GBF1: variants seen among roughly 807,000 people sequenced by gnomAD.
The protein encoded by GBF1 is Golgi-specific brefeldin A-resistance guanine nucleotide exchange factor 1.
Under a neutral mutation model 210.5 loss-of-function variants are expected in GBF1, and 114 were observed. The observed-to-expected ratio is 0.54, with a 90% CI of 0.47 to 0.63. The LOEUF (loss-of-function observed/expected upper bound fraction) is 0.63, where lower values mean the gene tolerates loss of function less well. Ranked by LOEUF, GBF1 falls within the 30% of genes least tolerant of loss-of-function variation. The pLI is 0.00. For missense variants in GBF1, 1,851 were observed against 2,357.7 expected (o/e 0.79, Z 4.45); for synonymous variants, 850 against 889.2 (o/e 0.96, Z 0.78).
chr10:102,350,668 T>G (rs971427845), intron 4 of GBF1, among the ~76,000 whole-genome samples: 3 of 152,158 alleles, frequency 2.0e-5, no homozygotes, highest in Admixed American at 1.3e-4. Context: ...ACTGGGGTCT[T>G]GTTAGAAACA....
chr10:102,338,687 C>T (rs2057949608), intron 3 of GBF1, among the ~76,000 whole-genome samples: 1 of 152,008 alleles, frequency 6.6e-6, no homozygotes, highest in Non-Finnish European at 1.5e-5. Context: ...TGGCTTACAC[C>T]TGTAATCCCA....
intron 3 of GBF1, among the ~76,000 whole-genome samples, chr10:102,324,688 G>A (rs2056745439): frequency 6.6e-6 from 1 of 152,132 alleles, no homozygotes; most frequent in South Asian, 2.1e-4. Flanking sequence ...CCAGGTTCAA[G>A]CGATTCTCCT....
At chr10:102,295,824 T>C (rs1166073263) in intron 3 of GBF1, among the ~76,000 whole-genome samples, 1 of 152,224 alleles carries the variant, frequency 6.6e-6, no homozygotes, top group Non-Finnish European at 1.5e-5. Flanking sequence ...TTCTGTTAGC[T>C]ATACTGATTA....
At chr10:102,311,659 G>T (rs1051297110) in intron 3 of GBF1, among the ~76,000 whole-genome samples, 5 of 152,192 alleles carry the variant, frequency 3.3e-5, no homozygotes, top group Admixed American at 3.3e-4. Flanking sequence ...AAACCAGCTT[G>T]GCTGTCAGGA....
chr10:102,370,904 T>A, intron 29 of GBF1, 44 bp downstream of exon 29: 1 of 1,571,948 alleles, frequency 6.4e-7, no homozygotes, highest in African/African-American at 1.3e-5. Context: ...ATGCAAGGGA[T>A]TAAGGCCACA....
At chr10:102,381,860 G>T (rs1312466912) in intron 39 of GBF1, among the ~76,000 whole-genome samples, 196 bp from the exon 40 acceptor site, 3 of 149,624 alleles carry the variant, frequency 2.0e-5, no homozygotes, top group African/African-American at 4.9e-5. Flanking sequence ...GAGTAGCCTG[G>T]CAAAGGAGAT....
At chr10:102,339,223 C>T (rs963266596) in intron 3 of GBF1, among the ~76,000 whole-genome samples, 3 of 152,064 alleles carry the variant, frequency 2.0e-5, no homozygotes, top group Non-Finnish European at 4.4e-5. Context: ...ATTAGCCAGA[C>T]GAGGTGGTGT....
At chr10:102,233,304 C>CTTT in the GBF1 span, among the ~76,000 whole-genome samples, 101 of 107,890 alleles carry the variant, frequency 9.4e-4, 2 homozygotes, top group African/African-American at 1.7e-3. Context: ...TTTTTTCCTT[C>CTTT]TTTTTTTTTT....
intron 3 of GBF1, among the ~76,000 whole-genome samples, chr10:102,284,560 T>C (rs1468112287): frequency 6.6e-6 from 1 of 152,230 alleles, no homozygotes; most frequent in East Asian, 1.9e-4. Flanking sequence ...CATAATGTTT[T>C]TGAGGGTCAT....
chr10:102,290,374 A>T (rs1344926085), intron 3 of GBF1, among the ~76,000 whole-genome samples: 1 of 152,198 alleles, frequency 6.6e-6, no homozygotes, highest in African/African-American at 2.4e-5. Flanking sequence ...TAATGACATT[A>T]TAAAAATACA....
In GBF1 at chr10:102,382,235, C is replaced by A. The variant is rs1337334443; in HGVS notation, c.5482C>A (p.Pro1828Thr). Residue 1828 changes from proline to threonine, a missense_variant, in exon 40 of 40, where the codon CCC becomes ACC. This residue lies in a region of GBF1 where 967 missense variants were observed against 1,247.7 expected (regional missense o/e 0.78). Coordinates refer to ENST00000369983, the MANE Select transcript of GBF1 (RefSeq NM_001377137.1). ...LQVGVPPMTLPIILNPALIEA... is the reference protein window; with the variant it reads ...LQVGVPPMTLTIILNPALIEA... Reference sequence around the variant, plus strand: ...GGTGGGCGTGCCACCTATGACTCTGCCCATCATCCTCAACCCTGCGCTCAT... The same window carrying A: ...GGTGGGCGTGCCACCTATGACTCTGACCATCATCCTCAACCCTGCGCTCAT... 6.2e-7 allele frequency: 1 copy of A among 1,613,892 alleles called. No individual in the cohort carries two copies. Among genetic ancestry groups the A allele is most frequent in the South Asian group, 1.1e-5 (1 of 91,090 alleles).
Position 102,362,644 on chromosome 10 carries a change from G to A in GBF1, c.1856G>A (p.Gly619Asp), listed in dbSNP as rs768647533. The change falls in exon 15 of 40, where the codon GGC (glycine) becomes GAC (aspartate). Residue 619 changes from glycine (G) to aspartate (D), a missense_variant. Around this residue, in one of 3 missense-constraint regions of GBF1, gnomAD observed 804 missense variants for 958.6 expected, o/e 0.84. Transcript: ENST00000369983. ...TARPSCEIVD[G>D]TREASNTERT... ...AGACCAAGCTGTGAGATAGTAGATG[G>A]CACCCGAGAAGCTAGCAATAGTGAG... The A allele has an allele frequency of 3.3e-5, 53 of 1,613,792 alleles. No homozygotes were observed. The highest frequency in any genetic ancestry group is 4.5e-5 in the Non-Finnish European group (53 of 1,179,784).
At chr10:102,314,318 A>C (rs986150977) in intron 3 of GBF1, among the ~76,000 whole-genome samples, 7 of 150,892 alleles carry the variant, frequency 4.6e-5, no homozygotes, top group African/African-American at 1.7e-4. Flanking sequence ...CTAATTTTTA[A>C]TTTTTTTTGT....
chr10:102,334,465 T>C (rs914014592), intron 3 of GBF1, among the ~76,000 whole-genome samples: 7 of 152,190 alleles, frequency 4.6e-5, no homozygotes, highest in Non-Finnish European at 1.0e-4. Context: ...TATTCTGTTT[T>C]GTCCAAGGGC....
chr10:102,255,136 G>T (rs2072159266), intron 1 of GBF1, among the ~76,000 whole-genome samples: 1 of 152,080 alleles, frequency 6.6e-6, no homozygotes, highest in Non-Finnish European at 1.5e-5. Context: ...CACCTCCTGG[G>T]TTCAAGTGAT....
In GBF1 at chr10:102,382,577, G is replaced by GTCA. The variant is rs1231379019; in HGVS notation, c.*244_*246dup. The GTCA allele has an allele frequency of 2.2e-6, 1 of 458,144 alleles. No individual in the cohort carries two copies. Among genetic ancestry groups the GTCA allele is most frequent in the African/African-American group, 2.0e-5 (1 of 50,244 alleles). The allele number at this position is 458,144 out of a possible 1,614,324, so 28.4% of individuals were successfully genotyped here. A position where few individuals can be genotyped will look rare whatever the true frequency, so the allele number is the denominator to read the frequency against. On this transcript the variant is annotated 3_prime_UTR_variant, in exon 40 of 40. Coordinates refer to ENST00000369983, the MANE Select transcript of GBF1 (RefSeq NM_001377137.1). ...GTTCAGCCTGAGAGTGAACTCAGCT[G>GTCA]TCATCTGCAGCCTCTGCCTCCAGCC...
chr10:102,274,059 T>C (rs2074684010), intron 3 of GBF1, among the ~76,000 whole-genome samples: 1 of 152,170 alleles, frequency 6.6e-6, no homozygotes, highest in African/African-American at 2.4e-5. Flanking sequence ...CAAATATTTG[T>C]TGATTACTTA....
chr10:102,315,235 G>A (rs1371266429), intron 3 of GBF1, among the ~76,000 whole-genome samples: 8 of 152,076 alleles, frequency 5.3e-5, no homozygotes, highest in African/African-American at 1.7e-4. Context: ...ACTTCAGGGG[G>A]TCCCCAACCC....
intron 3 of GBF1, among the ~76,000 whole-genome samples, chr10:102,332,650 C>T (rs927510095): frequency 6.6e-6 from 1 of 152,154 alleles, no homozygotes; most frequent in East Asian, 1.9e-4. Flanking sequence ...TACCAAAGTG[C>T]TGGGATAACA....
Sources: allele counts gnomAD v4.1 joint callset (sites outside exome capture counted in the v4.1 genomes callset), GRCh38; gene constraint gnomAD v4.1.1; regional missense constraint gnomAD v4.1.1; transcripts MANE v1.5; gene names NCBI Gene and HGNC (gene_info 2026-07-23, HGNC 2026-07-21).